EYA1: variants seen among roughly 807,000 people sequenced by gnomAD.
EYA1 encodes the protein EYA transcriptional coactivator and phosphatase 1, also known as protein phosphatase EYA1.
Under a neutral mutation model 82.0 loss-of-function variants are expected in EYA1, and 16 were observed. The ratio of observed to expected loss-of-function variants is 0.20; its 90% CI spans 0.13 to 0.30. The LOEUF is 0.30. Among genes scored for constraint, EYA1 ranks in the 10% least tolerant of loss-of-function variants. The pLI, the probability that EYA1 is intolerant of heterozygous loss-of-function variation, is 1.00. For synonymous variants in EYA1, 261 were observed against 264.4 expected, an observed-to-expected ratio of 0.99 and a Z score of 0.12; for missense variants, 633 against 730.7, an observed-to-expected ratio of 0.87 and a Z score of 1.54.
At chr8:71,234,522 G>A (rs1811597013) in intron 12 of EYA1, among the ~76,000 whole-genome samples, 2 of 152,096 alleles carry the variant, frequency 1.3e-5, no homozygotes, top group South Asian at 2.1e-4. Flanking sequence ...CTTGACTTTG[G>A]CCACATTTGA....
At chr8:71,254,401 C>A (rs1185216715) in intron 11 of EYA1, among the ~76,000 whole-genome samples, 1 of 152,084 alleles carries the variant, frequency 6.6e-6, no homozygotes, top group African/African-American at 2.4e-5. Flanking sequence ...CCCAGGAACT[C>A]TGTAGGACAG....
At chr8:71,476,697 T>A (rs1185998653) in intron 2 of EYA1, among the ~76,000 whole-genome samples, 1 of 152,068 alleles carries the variant, frequency 6.6e-6, no homozygotes, top group Non-Finnish European at 1.5e-5. Context: ...TTCAACAACA[T>A]TTTTTTCTAT....
chr8:71,347,735 G>C (rs1825882769), intron 3 of EYA1, among the ~76,000 whole-genome samples: 1 of 151,936 alleles, frequency 6.6e-6, no homozygotes, highest in African/African-American at 2.4e-5. Flanking sequence ...ATGATGAAAT[G>C]GGTAAGCATC....
At chr8:71,547,903 T>C (rs1815796318) in exon 1 of EYA1, 1 of 151,844 alleles carries the variant, frequency 6.6e-6, no homozygotes, top group Admixed American at 6.6e-5. Context: ...GAGGAACCGG[T>C]TCTTCCAAAA....
chr8:71,411,882 T>C (rs566680754), intron 2 of EYA1, among the ~76,000 whole-genome samples: 63 of 150,212 alleles, frequency 4.2e-4, no homozygotes, highest in African/African-American at 1.5e-3. Flanking sequence ...TTACTGGGTA[T>C]ATACCCAAAT....
chr8:71,474,266 G>A (rs564250248), intron 2 of EYA1, among the ~76,000 whole-genome samples: 1 of 151,938 alleles, frequency 6.6e-6, no homozygotes, highest in East Asian at 1.9e-4. Context: ...AGAAGCAGAA[G>A]CAGCAGCTCT....
At chr8:71,278,410 AT>A (rs1817445575) in intron 9 of EYA1, among the ~76,000 whole-genome samples, 1 of 152,214 alleles carries the variant, frequency 6.6e-6, no homozygotes. Flanking sequence ...GACTGTATCA[AT>A]TTAAATTGTG....
chr8:71,226,414 G>A (rs892003049), intron 12 of EYA1, among the ~76,000 whole-genome samples: 7 of 151,644 alleles, frequency 4.6e-5, no homozygotes, highest in Non-Finnish European at 8.8e-5. Context: ...TTCTCACCAT[G>A]AATGCCTTCT....
chr8:71,208,509 A>G (rs1243825836), intron 17 of EYA1, among the ~76,000 whole-genome samples: 1 of 152,186 alleles, frequency 6.6e-6, no homozygotes, highest in Non-Finnish European at 1.5e-5. Context: ...AAAACCTTTT[A>G]TTACATCAGA....
At chr8:71,514,361 T>C (rs1057397356) in intron 2 of EYA1, among the ~76,000 whole-genome samples, 2 of 152,134 alleles carry the variant, frequency 1.3e-5, no homozygotes. Context: ...TTAATTAAAA[T>C]ATTAATGATA....
chr8:71,314,555 A>G (rs4360324), intron 7 of EYA1, among the ~76,000 whole-genome samples: 28,216 of 152,104 alleles, frequency 0.19, 2,675 homozygotes, highest in Admixed American at 0.25. Context: ...TGCATTATAT[A>G]CTGGTTGAGC....
intron 17 of EYA1, among the ~76,000 whole-genome samples, chr8:71,205,012 AAAAAC>A (rs1389280161): frequency 1.3e-5 from 2 of 152,190 alleles, no homozygotes; most frequent in African/African-American, 4.8e-5. Context: ...CACTTAAACT[AAAAAC>A]AAAAAAGTGC....
intron 12 of EYA1, among the ~76,000 whole-genome samples, chr8:71,237,942 T>C (rs990500879): frequency 1.3e-5 from 2 of 152,164 alleles, no homozygotes; most frequent in Non-Finnish European, 2.9e-5. Context: ...TTTCATAAGT[T>C]AGAAATGTTT....
At chr8:71,547,321 C>G (rs1022014785) in intron 1 of EYA1, among the ~76,000 whole-genome samples, 2 of 152,156 alleles carry the variant, frequency 1.3e-5, no homozygotes, top group African/African-American at 4.8e-5. Context: ...CCAAGAGGAC[C>G]CTCCCCTCCG....
At chr8:71,272,289 CA>C (rs1816640758) in intron 9 of EYA1, among the ~76,000 whole-genome samples, 1 of 152,060 alleles carries the variant, frequency 6.6e-6, no homozygotes, top group Non-Finnish European at 1.5e-5. Context: ...CTCTCAGCTA[CA>C]AAAAGGTTCT....
At chr8:71,208,691 C>G (rs1016546971) in intron 17 of EYA1, among the ~76,000 whole-genome samples, 1 of 151,698 alleles carries the variant, frequency 6.6e-6, no homozygotes, top group Non-Finnish European at 1.5e-5. Flanking sequence ...ATCAAACCTG[C>G]ACATTGTGCA....
chr8:71,211,254 T>C lies in EYA1; in HGVS notation c.1600A>G (p.Lys534Glu). ...ENIYSATKIGKESCFERIIQR... is the reference protein window; with the variant it reads ...ENIYSATKIGEESCFERIIQR... ...ATTATTCTCTCAAAACAGCTTTCTT[T>C]TCCTAGTGAACAAAAATAAATGATA... The change falls in exon 17 of 18, where the codon AAA (lysine) becomes GAA (glutamate). Residue 534 changes from lysine (K) to glutamate (E), a missense_variant and splice_region_variant. Lys to Glu is a moderately conservative substitution (Grantham distance 56). Transcript: ENST00000340726. 1 of 1,599,476 alleles carries C rather than the reference T, an allele frequency of 6.3e-7. No individual in the cohort carries two copies. The highest frequency in any genetic ancestry group is 8.6e-7 in the Non-Finnish European group (1 of 1,167,016).
At chr8:71,387,884 T>C (rs1463064479) in intron 2 of EYA1, among the ~76,000 whole-genome samples, 1 of 152,008 alleles carries the variant, frequency 6.6e-6, no homozygotes, top group East Asian at 1.9e-4. Flanking sequence ...GGTGAGTGTG[T>C]AATGAGCAGC....
At chr8:71,501,022 G>A (rs1811774082) in intron 2 of EYA1, among the ~76,000 whole-genome samples, 2 of 152,294 alleles carry the variant, frequency 1.3e-5, no homozygotes, top group African/African-American at 4.8e-5. Flanking sequence ...ATAACTTGGT[G>A]TCAAGCCATA....
Sources: gnomAD v4.1 joint callset for allele counts (sites outside exome capture counted in the v4.1 genomes callset) on GRCh38, gnomAD v4.1.1 for gene constraint, MANE v1.5 for transcripts, NCBI Gene and HGNC (gene_info 2026-07-23, HGNC 2026-07-21) for gene names.